Variants in ELAVL3 observed in about 807,000 individuals in gnomAD.
ELAVL3 encodes ELAV like RNA binding protein 3.
A neutral mutation model predicts 34.2 loss-of-function variants in ELAVL3; 8 were observed. The observed-to-expected ratio is 0.23, with a 90% CI of 0.14 to 0.42. ELAVL3 has a LOEUF of 0.42. Among genes scored for constraint, ELAVL3 ranks in the 10% least tolerant of loss-of-function variants. The pLI is 1.00. For missense variants in ELAVL3, 273 were observed against 518.8 expected, an observed-to-expected ratio of 0.53 and a Z score of 4.60; for synonymous variants, 209 against 222.1, an observed-to-expected ratio of 0.94 and a Z score of 0.53.
chr19:11,471,050 T>C (rs1249630101), intron 1 of ELAVL3, among the ~76,000 whole-genome samples: 8 of 152,028 alleles, frequency 5.3e-5, no homozygotes, highest in Non-Finnish European at 1.0e-4. Context: ...CAGTGGCTCA[T>C]GCCTGTAATC....
At chr19:11,477,526 T>C (rs1401532842) in intron 1 of ELAVL3, among the ~76,000 whole-genome samples, 1 of 152,044 alleles carries the variant, frequency 6.6e-6, no homozygotes, top group East Asian at 1.9e-4. Flanking sequence ...AGTGCTGAGA[T>C]TACAGGTGTG....
chr19:11,473,284 G>A (rs1183596094), intron 1 of ELAVL3, among the ~76,000 whole-genome samples: 1 of 151,724 alleles, frequency 6.6e-6, no homozygotes, highest in African/African-American at 2.4e-5. Flanking sequence ...GGAATGGTGT[G>A]AACCCAGGAG....
chr19:11,469,061 A>G (rs1375653332), intron 1 of ELAVL3, among the ~76,000 whole-genome samples: 1 of 152,064 alleles, frequency 6.6e-6, no homozygotes, highest in South Asian at 2.1e-4. Flanking sequence ...TTGGGGCTAC[A>G]GGTATGCGCC....
rs1259579867 is a variant in ELAVL3, at chr19:11,472,259, G to A, written c.10-5432C>T. Among the ~76,000 whole-genome samples, 3 of 152,194 alleles carry A rather than the reference G, an allele frequency of 2.0e-5. No homozygotes were observed. In the East Asian group the frequency reaches 5.8e-4, roughly 29 times the overall value. Reference sequence around the variant, plus strand: ...TACTCAGGAAGCTGAGGCAGGAGAAGTGCTTGAACCCAGGAGGCGGAGGTT... The same window carrying A: ...TACTCAGGAAGCTGAGGCAGGAGAAATGCTTGAACCCAGGAGGCGGAGGTT... On this transcript the variant is annotated intron_variant, in intron 1 of 6. Transcript: ENST00000359227.
At chr19:11,457,001 G>C in intron 6 of ELAVL3, 109 bp downstream of exon 6, 1 of 990,768 alleles carries the variant, frequency 1.0e-6, no homozygotes, top group Non-Finnish European at 1.4e-6. Flanking sequence ...GCTACTCCAA[G>C]ACCCAGGCAA....
chr19:11,475,681 T>C (rs933880485), intron 1 of ELAVL3, among the ~76,000 whole-genome samples: 4 of 151,406 alleles, frequency 2.6e-5, no homozygotes, highest in African/African-American at 9.7e-5. Flanking sequence ...TGGCACGATC[T>C]TGGCTCACTG....
In ELAVL3 at chr19:11,466,409, A is replaced by G; in HGVS notation, c.230-134T>C. 9.8e-7 allele frequency: 1 copy of G among 1,016,730 alleles called. No homozygotes were observed. Among genetic ancestry groups the G allele is most frequent in the South Asian group, 1.4e-5 (1 of 69,118 alleles). The allele number at this position is 1,016,730 out of a possible 1,614,324, so 63.0% of individuals were successfully genotyped here. A position where few individuals can be genotyped will look rare whatever the true frequency, so the allele number is the denominator to read the frequency against. On this transcript the variant is annotated intron_variant, in intron 2 of 6. Transcript: ENST00000359227. This position sits in a 1 kb window ranked among gnomAD's most constrained non-coding sequence, Gnocchi z 5.0. The stretch of plus-strand genomic sequence containing the variant: ...GTTTCCAGATGACACCTTCGATGCT[A>G]GAGTCCCACCTGCCTCCATCGCTCC...
At chr19:11,479,165 G>A (rs541290779) in intron 1 of ELAVL3, among the ~76,000 whole-genome samples, 1 of 152,250 alleles carries the variant, frequency 6.6e-6, no homozygotes, top group African/African-American at 2.4e-5. Context: ...GGACTGTTGC[G>A]GGAGTTCTGA....
At chr19:11,479,511 C>A (rs1363371784) in intron 1 of ELAVL3, among the ~76,000 whole-genome samples, 1 of 151,862 alleles carries the variant, frequency 6.6e-6, no homozygotes, top group Non-Finnish European at 1.5e-5. Context: ...CGCGCGGCGG[C>A]GCGGGGAGCG....
chr19:11,478,222 T>G (rs1167265487), intron 1 of ELAVL3, among the ~76,000 whole-genome samples: 1 of 152,112 alleles, frequency 6.6e-6, no homozygotes, highest in African/African-American at 2.4e-5. Context: ...CCTCCCATGG[T>G]GTCCCCAACC....
At chr19:11,459,835 C>A (rs1970846623) in intron 3 of ELAVL3, among the ~76,000 whole-genome samples, 1 of 152,170 alleles carries the variant, frequency 6.6e-6, no homozygotes, top group South Asian at 2.1e-4. Context: ...CATCCTCCCA[C>A]CTCAGCCTCC....
chr19:11,479,799 C>G (rs1009901201), intron 1 of ELAVL3, among the ~76,000 whole-genome samples: 2 of 151,718 alleles, frequency 1.3e-5, no homozygotes, highest in African/African-American at 4.8e-5. Flanking sequence ...GCGGGCGGGC[C>G]GCGCTCAAGG....
Position 11,480,587 on chromosome 19 carries a change from G to A in ELAVL3, c.9+13C>T. Reference sequence around the variant, plus strand: ...CCGTCCCGATTCCCTTTCGGCGACAGGGGAATACCTACAGTGACCATTCTT... The same window carrying A: ...CCGTCCCGATTCCCTTTCGGCGACAAGGGAATACCTACAGTGACCATTCTT... On this transcript the variant is annotated intron_variant, in intron 1 of 6. Coordinates refer to ENST00000359227, the MANE Select transcript of ELAVL3 (RefSeq NM_001420.4). The surrounding 1 kb of genome is among the most constrained non-coding windows in gnomAD (Gnocchi z 6.8). 6.6e-7 allele frequency: 1 copy of A among 1,506,808 alleles called. No individual in the cohort carries two copies. Among genetic ancestry groups the A allele is most frequent in the Admixed American group, 2.2e-5 (1 of 44,614 alleles). 93.3% of individuals were successfully genotyped at this position (1,506,808 alleles called of 1,614,324 possible). A position where few individuals can be genotyped will look rare whatever the true frequency, so the allele number is the denominator to read the frequency against.
chr19:11,454,198 G>T lies in ELAVL3; in HGVS notation c.*328C>A, dbSNP rs547896436. On this transcript the variant is annotated 3_prime_UTR_variant, in exon 7 of 7. Coordinates refer to ENST00000359227, the MANE Select transcript of ELAVL3 (RefSeq NM_001420.4). The surrounding 1 kb of genome is among the most constrained non-coding windows in gnomAD (Gnocchi z 9.2). ...CCATCGGGGGTGGTCGAGGGTGGGG[G>T]TGGGGGCACATCTCTGCATTCTTTT... 6.0e-5 allele frequency: 15 copies of T among 249,952 alleles called. No homozygotes were observed. In the South Asian group the frequency reaches 1.0e-3, roughly 17 times the overall value. 15.5% of individuals were successfully genotyped at this position (249,952 alleles called of 1,614,324 possible). A position where few individuals can be genotyped will look rare whatever the true frequency, so the allele number is the denominator to read the frequency against.
At chr19:11,459,210 C>T (rs536579815) in intron 3 of ELAVL3, among the ~76,000 whole-genome samples, 1 of 150,890 alleles carries the variant, frequency 6.6e-6, no homozygotes, top group South Asian at 2.1e-4. Flanking sequence ...GCAACCTCTG[C>T]TTACCGGGTT....
chr19:11,471,182 C>G (rs977239344), intron 1 of ELAVL3, among the ~76,000 whole-genome samples: 2 of 151,158 alleles, frequency 1.3e-5, no homozygotes, highest in African/African-American at 4.9e-5. Context: ...TGGTGGTGTG[C>G]GCCTGTAATC....
chr19:11,473,019 A>C (rs1339346053), intron 1 of ELAVL3, among the ~76,000 whole-genome samples: 2 of 151,422 alleles, frequency 1.3e-5, no homozygotes, highest in African/African-American at 2.4e-5. Context: ...GTGAGCCGAG[A>C]TCACACCATT....
rs541146076 is a variant in ELAVL3 at position 11,453,870 on chromosome 19, T to C, written c.*656A>G. The C allele has an allele frequency of 1.3e-5, 2 of 151,770 alleles. No individual in the cohort carries two copies. Among genetic ancestry groups the C allele is most frequent in the East Asian group, 1.9e-4 (1 of 5,174 alleles). The allele number at this position is 151,770 out of a possible 1,614,324, so 9.4% of individuals were successfully genotyped here. On this transcript the variant is annotated 3_prime_UTR_variant, in exon 7 of 7. Coordinates refer to ENST00000359227, the MANE Select transcript of ELAVL3 (RefSeq NM_001420.4). Reference sequence around the variant, plus strand: ...TTGTCTTTTTTTGTGTTTTTTTTTTTCAAGTTCAAGAATCCCCAGTAAAAA... The same window carrying C: ...TTGTCTTTTTTTGTGTTTTTTTTTTCCAAGTTCAAGAATCCCCAGTAAAAA...
intron 3 of ELAVL3, among the ~76,000 whole-genome samples, chr19:11,459,431 C>A (rs2144882494): frequency 6.6e-6 from 1 of 152,080 alleles, no homozygotes; most frequent in African/African-American, 2.4e-5. Context: ...CCGCGCCTTA[C>A]CTAATTTTTA....
Sources: gnomAD v4.1 joint callset for allele counts (sites outside exome capture counted in the v4.1 genomes callset) on GRCh38, gnomAD v4.1.1 for gene constraint, Gnocchi (gnomAD v3.1) non-coding constraint, MANE v1.5 for transcripts, NCBI Gene and HGNC (gene_info 2026-07-23, HGNC 2026-07-21) for gene names.